The following LHPP variants were observed in gnomAD, a reference collection of about 807,000 sequenced individuals.
The protein encoded by LHPP is phospholysine phosphohistidine inorganic pyrophosphate phosphatase.
Under a neutral mutation model 30.3 loss-of-function variants are expected in LHPP, and 24 were observed. That is an observed-to-expected ratio of 0.79 (90% CI 0.57 to 1.11). LHPP has a LOEUF of 1.11. Among genes scored for constraint, LHPP ranks in the 50% most tolerant of loss-of-function variants. LHPP has a pLI of 0.00. For synonymous variants in LHPP, 150 were observed against 157.1 expected, an observed-to-expected ratio of 0.95 and a Z score of 0.34; for missense variants, 356 against 367.2, an observed-to-expected ratio of 0.97 and a Z score of 0.25.
At chr10:124,488,302 A>G in intron 2 of LHPP, 120 bp from the exon 3 acceptor site, 1 of 878,576 alleles carries the variant, frequency 1.1e-6, no homozygotes, top group African/African-American at 1.7e-5. Context: ...TGTGATGATC[A>G]GAAAGAAATG....
At chr10:124,528,451 C>T (rs1254914361) in intron 6 of LHPP, among the ~76,000 whole-genome samples, 4 of 152,126 alleles carry the variant, frequency 2.6e-5, no homozygotes, top group Admixed American at 6.5e-5. Flanking sequence ...CTCCGCCTCC[C>T]GGGTTCAAGG....
chr10:124,557,561 A>G lies in LHPP; in HGVS notation c.716+40290A>G, dbSNP rs374387856. Among the ~76,000 whole-genome samples the G allele has an allele frequency of 4.3e-4, 66 of 152,356 alleles. 1 individual carries two copies. The South Asian group carries it at 0.013, about 29-fold the overall frequency. ...CTCAGGAATTCAAGGACAAGGATAC[A>G]TAACAAAATGATTTTTGTCTCAGAG... On this transcript the variant is annotated intron_variant, in intron 6 of 6. Transcript: ENST00000368842.
chr10:124,585,310 C>A (rs1239121153), intron 6 of LHPP, among the ~76,000 whole-genome samples: 1 of 151,974 alleles, frequency 6.6e-6, no homozygotes, highest in African/African-American at 2.4e-5. Context: ...TTCTTTCTTT[C>A]TTTTTTAAGA....
At chr10:124,520,547 G>A (rs1490155549) in intron 6 of LHPP, among the ~76,000 whole-genome samples, 7 of 152,228 alleles carry the variant, frequency 4.6e-5, no homozygotes, top group East Asian at 1.9e-4. Flanking sequence ...TGTTCCTAAC[G>A]AGATTTAAAA....
At chr10:124,554,212 GT>G in intron 6 of LHPP, 1 of 313,804 alleles carries the variant, frequency 3.2e-6, no homozygotes. Context: ...TATTGACAGG[GT>G]CTTGCTCTGT....
At chr10:124,485,904 C>T (rs1953310763) in intron 2 of LHPP, among the ~76,000 whole-genome samples, 1 of 152,118 alleles carries the variant, frequency 6.6e-6, no homozygotes, top group Admixed American at 6.6e-5. Flanking sequence ...TCCGGTCTTA[C>T]TTGGCATAGT....
At chr10:124,552,270 G>T (rs527729002) in intron 6 of LHPP, among the ~76,000 whole-genome samples, 1 of 152,134 alleles carries the variant, frequency 6.6e-6, no homozygotes, top group Admixed American at 6.5e-5. Flanking sequence ...TTACGGAAAC[G>T]GAGTCTTAGG....
chr10:124,600,360 G>A (rs1039674337), intron 6 of LHPP, among the ~76,000 whole-genome samples: 3 of 152,270 alleles, frequency 2.0e-5, no homozygotes, highest in Non-Finnish European at 4.4e-5. Context: ...ACAGAGGGCT[G>A]CAGGCGACTG....
chr10:124,510,471 C>T lies in LHPP; in HGVS notation c.625-6709C>T, dbSNP rs865961141. ...CCGGGGCTCTGCCTGGAGGCAGCCT[C>T]GCTTTATCCCGCAGAACCTCCACGC... is the stretch of plus-strand genomic sequence containing the variant. On this transcript the variant is annotated intron_variant, in intron 5 of 6. Transcript: ENST00000368842. The surrounding 1 kb of genome is among the most constrained non-coding windows in gnomAD (Gnocchi z 4.0). 3.3e-5 allele frequency among the ~76,000 whole-genome samples: 5 copies of T among 152,152 alleles called. No homozygotes were observed. Among genetic ancestry groups the T allele is most frequent in the Admixed American group, 1.3e-4 (2 of 15,278 alleles).
intron 6 of LHPP, among the ~76,000 whole-genome samples, chr10:124,548,284 C>T (rs1162816070): frequency 6.6e-6 from 1 of 152,154 alleles, no homozygotes; most frequent in African/African-American, 2.4e-5. Flanking sequence ...TCTGGTTCTT[C>T]ACCTTCAGGC....
chr10:124,527,863 C>G (rs1954785126), intron 6 of LHPP, among the ~76,000 whole-genome samples: 1 of 152,120 alleles, frequency 6.6e-6, no homozygotes, highest in African/African-American at 2.4e-5. Context: ...CCACTGCAGC[C>G]TGGAACTCCT....
intron 6 of LHPP, among the ~76,000 whole-genome samples, chr10:124,560,017 A>G (rs1589865151): frequency 6.6e-6 from 1 of 152,324 alleles, no homozygotes; most frequent in South Asian, 2.1e-4. Flanking sequence ...TCCACTTTCC[A>G]GGCCCTGCGA....
Position 124,576,468 on chromosome 10 carries a change from AC to A in LHPP, c.717-36792del, listed in dbSNP as rs1237323150. Among the ~76,000 whole-genome samples the A allele has an allele frequency of 7.3e-6, 1 of 137,196 alleles. No homozygotes were observed. 90.0% of individuals were successfully genotyped at this position (137,196 alleles called of 152,430 possible). A position where few individuals can be genotyped will look rare whatever the true frequency, so the allele number is the denominator to read the frequency against. On this transcript the variant is annotated intron_variant, in intron 6 of 6. Coordinates refer to ENST00000368842, the MANE Select transcript of LHPP (RefSeq NM_022126.4). The surrounding 1 kb of genome is among the most constrained non-coding windows in gnomAD (Gnocchi z 4.2). ...CCCTCATATCCATCCTGCCTCCAGA[AC>A]CCCTATATCTTGCTCCCACTCCCTA...
chr10:124,534,377 G>C (rs1267863987), intron 6 of LHPP, among the ~76,000 whole-genome samples: 4 of 152,258 alleles, frequency 2.6e-5, no homozygotes, highest in Non-Finnish European at 5.9e-5. Flanking sequence ...TGACTCTGCA[G>C]AGAGCCAACG....
intron 6 of LHPP, among the ~76,000 whole-genome samples, chr10:124,568,598 G>A (rs928588490): frequency 6.6e-6 from 1 of 152,290 alleles, no homozygotes; most frequent in African/African-American, 2.4e-5. Flanking sequence ...TCCGAATACC[G>A]ATGGAGGCTT....
At chr10:124,530,758 C>T (rs929768386) in intron 6 of LHPP, among the ~76,000 whole-genome samples, 9 of 152,204 alleles carry the variant, frequency 5.9e-5, no homozygotes, top group Admixed American at 5.2e-4. Flanking sequence ...GGACACTGAC[C>T]CTCTCCTCTG....
chr10:124,606,242 C>T (rs1049828101), intron 6 of LHPP, among the ~76,000 whole-genome samples: 6 of 149,616 alleles, frequency 4.0e-5, no homozygotes, highest in African/African-American at 1.2e-4. Flanking sequence ...GTGAAGAAGC[C>T]ACCCAGCAAA....
intron 6 of LHPP, among the ~76,000 whole-genome samples, chr10:124,572,668 A>AAAG (rs1564836945): frequency 8.6e-5 from 6 of 69,428 alleles, no homozygotes; most frequent in Non-Finnish European, 1.5e-4. Flanking sequence ...AGGAAAGAAA[A>AAAG]GAAAAAAAAG....
intron 6 of LHPP, among the ~76,000 whole-genome samples, chr10:124,540,818 C>A (rs967763089): frequency 2.0e-5 from 3 of 152,148 alleles, no homozygotes; most frequent in African/African-American, 7.2e-5. Context: ...TAAGTTCTGG[C>A]CCTAGATCTA....
Sources: gnomAD v4.1 joint callset for allele counts (sites outside exome capture counted in the v4.1 genomes callset) on GRCh38, gnomAD v4.1.1 for gene constraint, Gnocchi (gnomAD v3.1) non-coding constraint, MANE v1.5 for transcripts, NCBI Gene and HGNC (gene_info 2026-07-23, HGNC 2026-07-21) for gene names.